Variants in KCNIP4 observed in about 807,000 individuals in gnomAD.
The protein encoded by KCNIP4 is Kv channel-interacting protein 4.
In KCNIP4, 12 loss-of-function variants were observed where a neutral mutation model predicts 34.0. The ratio of observed to expected loss-of-function variants is 0.35; its 90% CI spans 0.23 to 0.57. KCNIP4 has a LOEUF of 0.57. Ranked by LOEUF, KCNIP4 falls within the 20% of genes least tolerant of loss-of-function variation. KCNIP4 has a pLI of 0.83. For missense variants in KCNIP4, 238 were observed against 311.7 expected, an observed-to-expected ratio of 0.76 and a Z score of 1.78; for synonymous variants, 124 against 102.2, an observed-to-expected ratio of 1.21 and a Z score of -1.29.
At chr4:21,911,484 A>T (rs1728307916) in intron 1 of KCNIP4, among the ~76,000 whole-genome samples, 1 of 145,814 alleles carries the variant, frequency 6.9e-6, no homozygotes, top group South Asian at 2.2e-4. Context: ...ATTTTTTACA[A>T]CTCCAATCCT....
intron 3 of KCNIP4, among the ~76,000 whole-genome samples, chr4:20,810,481 CAG>C (rs948263368): frequency 2.1e-5 from 3 of 145,578 alleles, no homozygotes; most frequent in Non-Finnish European, 4.5e-5. Context: ...GAGAGAGAGA[CAG>C]AGAGAGACCA....
chr4:21,589,828 A>G (rs1038943852), intron 1 of KCNIP4, among the ~76,000 whole-genome samples: 2 of 151,976 alleles, frequency 1.3e-5, no homozygotes, highest in Non-Finnish European at 2.9e-5. Flanking sequence ...TTAATTGAGT[A>G]GTTCTCACCA....
intron 1 of KCNIP4, among the ~76,000 whole-genome samples, chr4:21,036,462 C>T (rs1741452066): frequency 6.6e-6 from 1 of 152,216 alleles, no homozygotes; most frequent in Non-Finnish European, 1.5e-5. Context: ...ACACAAAAGA[C>T]ATCATTTGAG....
At chr4:21,078,067 C>T (rs980780155) in intron 1 of KCNIP4, among the ~76,000 whole-genome samples, 1 of 151,966 alleles carries the variant, frequency 6.6e-6, no homozygotes, top group African/African-American at 2.4e-5. Context: ...CAGGAGGGAA[C>T]ATGGTTGAGC....
intron 1 of KCNIP4, among the ~76,000 whole-genome samples, chr4:20,901,975 C>A (rs899339177): frequency 2.0e-5 from 3 of 151,876 alleles, no homozygotes; most frequent in Admixed American, 6.6e-5. Context: ...ATCATAGAGA[C>A]CTGCTTTGTG....
At chr4:21,463,486 A>G (rs941041289) in intron 1 of KCNIP4, among the ~76,000 whole-genome samples, 2 of 152,070 alleles carry the variant, frequency 1.3e-5, no homozygotes, top group Non-Finnish European at 2.9e-5. Flanking sequence ...ACATTCATAT[A>G]AATGGAATCA....
chr4:21,450,188 T>C (rs532276855), intron 1 of KCNIP4, among the ~76,000 whole-genome samples: 6 of 152,300 alleles, frequency 3.9e-5, no homozygotes, highest in African/African-American at 7.2e-5. Context: ...TCTCTCATTA[T>C]ACAAACCTGG....
chr4:21,534,838 G>T (rs1397297750), intron 1 of KCNIP4, among the ~76,000 whole-genome samples: 3 of 152,134 alleles, frequency 2.0e-5, no homozygotes, highest in African/African-American at 4.8e-5. Context: ...GGACCTCCAT[G>T]AGGGGCAGAA....
At position 20,729,878 on chromosome 4, in the gene KCNIP4, A is replaced by AACTC. The variant is rs1173338279; in HGVS notation, c.*200_*203dup. ...ATGAAATGAGTTAGACCATCCCCTGAACTCAGTGGCATTATGAAAAGGATG... is the reference window on the plus strand; with the variant it reads ...ATGAAATGAGTTAGACCATCCCCTGAACTCACTCAGTGGCATTATGAAAAGGATG... On this transcript the variant is annotated 3_prime_UTR_variant, in exon 9 of 9. Coordinates refer to ENST00000382152, the MANE Select transcript of KCNIP4 (RefSeq NM_025221.6). The AACTC allele has an allele frequency of 2.1e-6, 1 of 481,164 alleles. No homozygotes were observed. The highest frequency in any genetic ancestry group is 3.6e-6 in the Non-Finnish European group (1 of 278,494). 29.8% of individuals were successfully genotyped at this position (481,164 alleles called of 1,614,324 possible).
intron 1 of KCNIP4, among the ~76,000 whole-genome samples, chr4:21,684,890 G>A (rs1410089585): frequency 6.6e-6 from 1 of 152,020 alleles, no homozygotes; most frequent in Non-Finnish European, 1.5e-5. Context: ...TCACTCATAG[G>A]TGGGAATTGA....
chr4:21,114,928 T>C (rs1560735653), intron 1 of KCNIP4, among the ~76,000 whole-genome samples: 1 of 152,200 alleles, frequency 6.6e-6, no homozygotes, highest in Admixed American at 6.5e-5. Context: ...TTATATCTTA[T>C]GCCACAATAA....
At chr4:21,331,644 C>T (rs1445520387) in intron 1 of KCNIP4, among the ~76,000 whole-genome samples, 1 of 106,290 alleles carries the variant, frequency 9.4e-6, no homozygotes, top group Non-Finnish European at 1.9e-5. Flanking sequence ...GTGCTGAATT[C>T]AATAATCAAT....
At chr4:20,794,023 A>C (rs1392526215) in intron 3 of KCNIP4, among the ~76,000 whole-genome samples, 4 of 152,132 alleles carry the variant, frequency 2.6e-5, no homozygotes, top group African/African-American at 9.7e-5. Context: ...TGATGGTTTT[A>C]AAAAGTAGAT....
intron 1 of KCNIP4, among the ~76,000 whole-genome samples, chr4:21,910,703 T>C (rs1728258012): frequency 1.3e-5 from 2 of 152,220 alleles, no homozygotes; most frequent in Admixed American, 1.3e-4. Context: ...TCTAGCTCAC[T>C]CTGAGTTAAG....
chr4:20,839,962 T>C (rs1719524572), intron 3 of KCNIP4, among the ~76,000 whole-genome samples: 1 of 152,158 alleles, frequency 6.6e-6, no homozygotes, highest in Non-Finnish European at 1.5e-5. Flanking sequence ...GCTAGCCACT[T>C]GGATGTTGGG....
chr4:21,671,758 T>C (rs7684087), intron 1 of KCNIP4, among the ~76,000 whole-genome samples: 11,185 of 152,226 alleles, frequency 0.073, 592 homozygotes, highest in African/African-American at 0.14. Context: ...AGTGCCCACG[T>C]TGGAGGAAAA....
At chr4:21,820,011 C>T (rs954398512) in intron 1 of KCNIP4, among the ~76,000 whole-genome samples, 4 of 151,650 alleles carry the variant, frequency 2.6e-5, no homozygotes, top group Non-Finnish European at 4.4e-5. Context: ...ATCTAAATGT[C>T]CTCTGAGTAC....
At chr4:21,589,305 C>CATATATATGTGT (rs1214936267) in intron 1 of KCNIP4, among the ~76,000 whole-genome samples, 25 of 131,878 alleles carry the variant, frequency 1.9e-4, no homozygotes, top group African/African-American at 7.3e-4. Context: ...TGTATAGATA[C>CATATATATGTGT]ATATATACAT....
At chr4:20,953,460 T>C (rs951145996) in intron 1 of KCNIP4, among the ~76,000 whole-genome samples, 1 of 152,076 alleles carries the variant, frequency 6.6e-6, no homozygotes, top group Non-Finnish European at 1.5e-5. Flanking sequence ...GGTGGGCAGA[T>C]CACTTGAGCT....
Sources: allele counts gnomAD v4.1 joint callset (sites outside exome capture counted in the v4.1 genomes callset), GRCh38; gene constraint gnomAD v4.1.1; transcripts MANE v1.5; gene names NCBI Gene and HGNC (gene_info 2026-07-23, HGNC 2026-07-21).